TEX264: variants seen among roughly 807,000 people sequenced by gnomAD.
The protein encoded by TEX264 is testis expressed 264, ER-phagy receptor, also known as testis-expressed protein 264.
A neutral mutation model predicts 23.4 loss-of-function variants in TEX264; 13 were observed. The ratio of observed to expected loss-of-function variants is 0.56; its 90% CI spans 0.36 to 0.88. The LOEUF (loss-of-function observed/expected upper bound fraction) is 0.88, where lower values mean the gene tolerates loss of function less well. Ranked by LOEUF, TEX264 falls within the 40% of genes least tolerant of loss-of-function variation. The pLI is 0.01. For missense variants in TEX264, 340 were observed against 406.8 expected, an observed-to-expected ratio of 0.84 and a Z score of 1.41; for synonymous variants, 159 against 170.0, an observed-to-expected ratio of 0.94 and a Z score of 0.50.
chr3:51,703,721 TAGG>T lies in TEX264; in HGVS notation c.650_652del (p.Gly217del). ...AACCTGTGCTCCCTTTTCCTGGTCA[TAGG>T]AGCTGACACAATGAGTGACACGAGT... On this transcript the variant is annotated splice_acceptor_variant and coding_sequence_variant, in exon 5 of 5. Transcript: ENST00000341333. LOFTEE classifies it high-confidence loss of function. The surrounding 1 kb of genome is among the most constrained non-coding windows in gnomAD (Gnocchi z 4.8). 7 of 1,579,498 alleles carry T rather than the reference TAGG, an allele frequency of 4.4e-6. No homozygotes were observed. Among genetic ancestry groups the T allele is most frequent in the Non-Finnish European group, 6.1e-6 (7 of 1,156,464 alleles).
At chr3:51,693,257 A>G (rs527926035) in intron 3 of TEX264, among the ~76,000 whole-genome samples, 2 of 152,288 alleles carry the variant, frequency 1.3e-5, no homozygotes, top group African/African-American at 2.4e-5. Flanking sequence ...CAGTGGCGGC[A>G]GCAGGCGCAG....
At chr3:51,693,836 G>C (rs1702920941) in intron 3 of TEX264, among the ~76,000 whole-genome samples, 1 of 152,116 alleles carries the variant, frequency 6.6e-6, no homozygotes, top group Non-Finnish European at 1.5e-5. Flanking sequence ...CTGTGCTTGA[G>C]TTACCTTTGT....
chr3:51,676,018 C>T (rs1285049841), intron 2 of TEX264, among the ~76,000 whole-genome samples: 3 of 152,058 alleles, frequency 2.0e-5, no homozygotes, highest in Non-Finnish European at 2.9e-5. Context: ...AGGTGAGAGG[C>T]GACATGGGTT....
At position 51,704,057 on chromosome 3, in the gene TEX264, C is replaced by CT; in HGVS notation, c.*42dup. 3 of 1,417,438 alleles carry CT rather than the reference C, an allele frequency of 2.1e-6. No homozygotes were observed. Among genetic ancestry groups the CT allele is most frequent in the Non-Finnish European group, 2.8e-6 (3 of 1,083,810 alleles). The allele number at this position is 1,417,438 out of a possible 1,614,324, so 87.8% of individuals were successfully genotyped here. A position where few individuals can be genotyped will look rare whatever the true frequency, so the allele number is the denominator to read the frequency against. ...CTCCTGCAGTGCAGTTGCTGAGGAA[C>CT]TGAGCAGACTCTCCAGCAGACTCTC... On this transcript the variant is annotated 3_prime_UTR_variant, in exon 5 of 5. Coordinates refer to ENST00000341333, the MANE Select transcript of TEX264 (RefSeq NM_015926.6).
chr3:51,675,487 A>G (rs142954436), intron 2 of TEX264, among the ~76,000 whole-genome samples: 247 of 152,314 alleles, frequency 1.6e-3, no homozygotes, highest in East Asian at 3.5e-3. Context: ...TTGAAACAGG[A>G]TGTACTGGTT....
intron 2 of TEX264, among the ~76,000 whole-genome samples, chr3:51,679,108 C>T (rs958312786): frequency 4.6e-5 from 7 of 152,186 alleles, no homozygotes; most frequent in African/African-American, 1.7e-4. Context: ...GAAGGGGCTT[C>T]GGATTTGCCC....
At chr3:51,688,071 T>C (rs911195923) in intron 3 of TEX264, among the ~76,000 whole-genome samples, 4 of 152,218 alleles carry the variant, frequency 2.6e-5, no homozygotes, top group Non-Finnish European at 4.4e-5. Flanking sequence ...CTGGAATCCA[T>C]GCGTACTGTG....
intron 2 of TEX264, among the ~76,000 whole-genome samples, chr3:51,678,594 G>A (rs767904685): frequency 1.3e-5 from 2 of 152,210 alleles, no homozygotes; most frequent in Non-Finnish European, 2.9e-5. Flanking sequence ...GTGGGTTGGG[G>A]AACTGGTGGT....
At chr3:51,672,713 G>GT (rs1702091247) in intron 1 of TEX264, among the ~76,000 whole-genome samples, 1 of 152,238 alleles carries the variant, frequency 6.6e-6, no homozygotes, top group African/African-American at 2.4e-5. Flanking sequence ...ACGTGGCTCT[G>GT]TTTAATACCT....
At chr3:51,683,581 T>C (rs556417618) in intron 2 of TEX264, 1 of 152,226 alleles carries the variant, frequency 6.6e-6, no homozygotes, top group South Asian at 2.1e-4. Flanking sequence ...ACTTAGGAAG[T>C]GGGATAGGTC....
At chr3:51,675,563 T>C (rs1256172490) in intron 2 of TEX264, among the ~76,000 whole-genome samples, 1 of 152,140 alleles carries the variant, frequency 6.6e-6, no homozygotes, top group Non-Finnish European at 1.5e-5. Context: ...GGCTCTGCCC[T>C]CAGGAAGCTC....
intron 2 of TEX264, among the ~76,000 whole-genome samples, chr3:51,680,509 A>G (rs1230896977): frequency 6.6e-6 from 1 of 152,178 alleles, no homozygotes; most frequent in Non-Finnish European, 1.5e-5. Flanking sequence ...GAGGCTTTTC[A>G]GCCCAAAGGA....
chr3:51,694,136 C>CTTCT (rs1702965076), intron 3 of TEX264, among the ~76,000 whole-genome samples: 1 of 128,652 alleles, frequency 7.8e-6, no homozygotes, highest in Non-Finnish European at 1.7e-5. Flanking sequence ...TCCTTCCTTC[C>CTTCT]TTCCTTCTTT....
Position 51,674,446 on chromosome 3 carries a change from G to A in TEX264, c.142G>A (p.Val48Met), listed in dbSNP as rs1702162968. 5 of 1,614,242 alleles carry A rather than the reference G, an allele frequency of 3.1e-6. No individual in the cohort carries two copies. In the African/African-American group the frequency reaches 4.0e-5, roughly 13 times the overall value. ...GTCACCCCCCATCCGCAACGTCACT[G>A]TGGCCTACAAGTTCCACATGGGGCT... ...AGSPPIRNVT[V>M]AYKFHMGLYG... Residue 48 changes from valine to methionine, a missense_variant, in exon 2 of 5, where the codon GTG (valine) becomes ATG (methionine). Coordinates refer to ENST00000341333, the MANE Select transcript of TEX264 (RefSeq NM_015926.6).
rs1577541944 is a variant in TEX264, at chr3:51,703,602, G to A, written c.650-122G>A. On this transcript the variant is annotated intron_variant, in intron 4 of 4. Coordinates refer to ENST00000341333, the MANE Select transcript of TEX264 (RefSeq NM_015926.6). The surrounding 1 kb of genome is among the most constrained non-coding windows in gnomAD (Gnocchi z 4.8). ...GGGTAGAGGGCAGAGGGCAGCTGGA[G>A]CAAGCCCCCTGAGCCCGGGAGGCTG... is the stretch of plus-strand genomic sequence containing the variant. The A allele has an allele frequency of 9.8e-7, 1 of 1,022,388 alleles. No homozygotes were observed. The allele number at this position is 1,022,388 out of a possible 1,614,324, so 63.3% of individuals were successfully genotyped here. A position where few individuals can be genotyped will look rare whatever the true frequency, so the allele number is the denominator to read the frequency against.
chr3:51,688,852 TGTG>T (rs1702722029), intron 3 of TEX264, among the ~76,000 whole-genome samples: 1 of 151,934 alleles, frequency 6.6e-6, no homozygotes, highest in African/African-American at 2.4e-5. Context: ...TAAGGCCAGG[TGTG>T]GTGGCTCATG....
rs766774650 is a variant in TEX264 at position 51,703,989 on chromosome 3, C to T, written c.915C>T (p.Pro305=). Residue 305 remains proline, a synonymous_variant, in exon 5 of 5, where the codon CCC becomes CCT. Transcript: ENST00000341333. The surrounding 1 kb of genome is among the most constrained non-coding windows in gnomAD (Gnocchi z 4.8). ...GGACTACCAAGTGGCTCTGGGAGCC[C>T]ACTGCCCCTGAGAAGGGCAAGGAGT... ...PLGTTKWLWE[P]TAPEKGKE is the part of the protein sequence containing the mutation. 1.3e-6 allele frequency: 2 copies of T among 1,545,032 alleles called. No homozygotes were observed. The highest frequency in any genetic ancestry group is 3.8e-5 in the Admixed American group (2 of 52,360).
chr3:51,689,468 G>GGGAA (rs1437299111), intron 3 of TEX264, among the ~76,000 whole-genome samples: 1 of 146,808 alleles, frequency 6.8e-6, no homozygotes. Context: ...AAAAAAAAAA[G>GGGAA]GGAAGGAAGG....
At chr3:51,688,044 G>A (rs1702689378) in intron 3 of TEX264, among the ~76,000 whole-genome samples, 1 of 152,200 alleles carries the variant, frequency 6.6e-6, no homozygotes, top group Admixed American at 6.5e-5. Context: ...GGGCCCCCAG[G>A]CTGAACACTC....
Sources: gnomAD v4.1 joint callset for allele counts (sites outside exome capture counted in the v4.1 genomes callset) on GRCh38, gnomAD v4.1.1 for gene constraint, Gnocchi (gnomAD v3.1) non-coding constraint, MANE v1.5 for transcripts, NCBI Gene and HGNC (gene_info 2026-07-23, HGNC 2026-07-21) for gene names.